Variants in ZNF419 observed in about 807,000 individuals in gnomAD.
ZNF419 encodes zinc finger protein 419A.
Under a neutral mutation model 14.9 loss-of-function variants are expected in ZNF419, and 8 were observed. The ratio of observed to expected loss-of-function variants is 0.54; its 90% CI spans 0.32 to 0.97. ZNF419 has a LOEUF of 0.97. Ranked by LOEUF, ZNF419 falls within the 50% of genes least tolerant of loss-of-function variation. The pLI is 0.04. For missense variants in ZNF419, 595 were observed against 607.2 expected (o/e 0.98, Z 0.21); for synonymous variants, 211 against 205.3 (o/e 1.03, Z -0.24).
At position 57,493,683 on chromosome 19, in the gene ZNF419, T is replaced by C. The variant is rs1325027607; in HGVS notation, c.1126T>C (p.Cys376Arg). The change falls in exon 5 of 5, where the codon TGT (cysteine) becomes CGT (arginine). Residue 376 changes from cysteine to arginine, a missense_variant. Transcript: ENST00000221735. ...TGERPYKCSD[C>R]GKFFTQCSSL... ...AGAAAGGCCTTACAAGTGCAGCGAC[T>C]GTGGGAAATTTTTTACCCAATGCTC... 1.2e-6 allele frequency: 2 copies of C among 1,614,096 alleles called. No homozygotes were observed. The highest frequency in any genetic ancestry group is 3.3e-5 in the Admixed American group (2 of 60,016).
Position 57,496,089 on chromosome 19 carries a change from A to C in ZNF419, c.*1999A>C, listed in dbSNP as rs2089607095. On this transcript the variant is annotated 3_prime_UTR_variant, in exon 5 of 5. Coordinates refer to ENST00000221735, the MANE Select transcript of ZNF419 (RefSeq NM_024691.4). ...TGGAAAATAAATAAATGTTCACAGAATAATGTTGACATATTAGCTTTTTAT... is the reference window on the plus strand; with the variant it reads ...TGGAAAATAAATAAATGTTCACAGACTAATGTTGACATATTAGCTTTTTAT... The C allele has an allele frequency of 6.6e-6, 1 of 152,236 alleles. No homozygotes were observed. The highest frequency in any genetic ancestry group is 2.1e-4 in the South Asian group (1 of 4,834). The allele number at this position is 152,236 out of a possible 1,614,324, so 9.4% of individuals were successfully genotyped here.
intron 4 of ZNF419, 74 bp downstream of exon 4, chr19:57,492,285 T>G: frequency 6.6e-7 from 1 of 1,511,376 alleles, no homozygotes; most frequent in African/African-American, 1.4e-5. Flanking sequence ...GCCCAGATAT[T>G]TTGATACCAA....
chr19:57,495,838 G>A lies in ZNF419; in HGVS notation c.*1748G>A, dbSNP rs1005978368. On this transcript the variant is annotated 3_prime_UTR_variant, in exon 5 of 5. Coordinates refer to ENST00000221735, the MANE Select transcript of ZNF419 (RefSeq NM_024691.4). ...ATATCCAACTTCTGAAATATTTGTA[G>A]GTTTAACTACAAATAAATAATTCAA... is the stretch of plus-strand genomic sequence containing the variant. 6.2e-5 allele frequency: 9 copies of A among 145,926 alleles called. No homozygotes were observed. 9.0% of individuals were successfully genotyped at this position (145,926 alleles called of 1,614,324 possible).
intron 1 of ZNF419, chr19:57,489,136 C>T (rs1268208017): frequency 6.6e-6 from 1 of 152,218 alleles, no homozygotes; most frequent in Non-Finnish European, 1.5e-5. Context: ...ATCAACTGCT[C>T]CAGTAGAAGG....
At position 57,493,896 on chromosome 19, in the gene ZNF419, A is replaced by G. The variant is rs1568573410; in HGVS notation, c.1339A>G (p.Lys447Glu). The G allele has an allele frequency of 6.2e-7, 1 of 1,613,958 alleles. No individual in the cohort carries two copies. The highest frequency in any genetic ancestry group is 1.7e-5 in the Admixed American group (1 of 59,978). The change falls in exon 5 of 5, where the codon AAA becomes GAA. Residue 447 changes from lysine (K) to glutamate (E), a missense_variant. Transcript: ENST00000221735. ...AAGCTCAACCCTCATGCAACATCGA[A>G]AAGTTCACATTGGAGAAAAGCCTTT... ...SQSSTLMQHRKVHIGEKPFKC... is the reference protein window; with the variant it reads ...SQSSTLMQHREVHIGEKPFKC...
intron 1 of ZNF419, 108 bp from the exon 2 acceptor site, chr19:57,490,039 C>T (rs1600132917): frequency 2.9e-6 from 3 of 1,033,602 alleles, no homozygotes; most frequent in Non-Finnish European, 4.4e-6. Context: ...AGAACCAAAG[C>T]CCAGATTGTA....
rs764264238 is a variant in ZNF419, at chr19:57,493,995, G to A, written c.1438G>A (p.Ala480Thr). Residue 480 changes from alanine (A) to threonine (T), a missense_variant, in exon 5 of 5, where the codon GCA becomes ACA. Ala to Thr is a moderately conservative substitution (Grantham distance 58). Transcript: ENST00000221735. ...TAAACATCAGAGGGTTCACACTGGA[G>A]CAAAGCCTTATGAGTGCAGGGAATG... Reference protein sequence around the residue: ...LVKHQRVHTGAKPYECRECGK... With the variant: ...LVKHQRVHTGTKPYECRECGK... 20 of 1,614,106 alleles carry A rather than the reference G, an allele frequency of 1.2e-5. No homozygotes were observed. The Middle Eastern group carries it at 4.9e-4, about 40-fold the overall frequency.
In ZNF419 at chr19:57,494,008, A is replaced by C; in HGVS notation, c.1451A>C (p.Glu484Ala). 4.3e-6 allele frequency: 7 copies of C among 1,613,880 alleles called. No homozygotes were observed. The highest frequency in any genetic ancestry group is 5.9e-6 in the Non-Finnish European group (7 of 1,179,950). The change falls in exon 5 of 5, where the codon GAG becomes GCG. Residue 484 changes from glutamate (E) to alanine (A), a missense_variant. Physicochemically the swap from Glu to Ala is moderately radical, Grantham distance 107. Coordinates refer to ENST00000221735, the MANE Select transcript of ZNF419 (RefSeq NM_024691.4). The stretch of plus-strand genomic sequence containing the variant: ...GTTCACACTGGAGCAAAGCCTTATG[A>C]GTGCAGGGAATGTGGGAAGTTTTTT... Reference protein sequence around the residue: ...QRVHTGAKPYECRECGKFFRH... With the variant: ...QRVHTGAKPYACRECGKFFRH...
chr19:57,493,271 G>A lies in ZNF419; in HGVS notation c.714G>A (p.Lys238=), dbSNP rs1249846924. The A allele has an allele frequency of 1.2e-6, 2 of 1,614,238 alleles. No individual in the cohort carries two copies. The highest frequency in any genetic ancestry group is 1.7e-4 in the Middle Eastern group (1 of 6,060). ...CGTATGAATGCAGTGAATGTGGGAA[G>A]TTATTTAGAGATATGTCCAACCTTT... The part of the protein sequence containing the change: ...KKTYECSECG[K]LFRDMSNLFI... The change falls in exon 5 of 5, where the codon AAG becomes AAA. Residue 238 remains lysine (K), a synonymous_variant. Coordinates refer to ENST00000221735, the MANE Select transcript of ZNF419 (RefSeq NM_024691.4).
chr19:57,487,968 G>T lies in ZNF419; in HGVS notation c.18G>T (p.Leu6=). 3 of 1,613,770 alleles carry T rather than the reference G, an allele frequency of 1.9e-6. No individual in the cohort carries two copies. The highest frequency in any genetic ancestry group is 2.2e-5 in the South Asian group (2 of 91,044). The part of the protein sequence containing the change: MAAAA[L]RDPAQVPVAA... ...AGGCTCCGATGGCGGCGGCCGCCCT[G>T]AGGGACCCCGCTCAGGTGAGCGCCG... is the stretch of plus-strand genomic sequence containing the variant. The change falls in exon 1 of 5, where the codon CTG becomes CTT. Residue 6 remains leucine (L), a synonymous_variant. Coordinates refer to ENST00000221735, the MANE Select transcript of ZNF419 (RefSeq NM_024691.4).
In ZNF419 at chr19:57,494,424, T is replaced by A. The variant is rs1475025470; in HGVS notation, c.*334T>A. ...GGCAATTGAACATCATTCATCTAAA[T>A]ATGCACACTGGAGGCAAGATGAGAA... On this transcript the variant is annotated 3_prime_UTR_variant, in exon 5 of 5. Coordinates refer to ENST00000221735, the MANE Select transcript of ZNF419 (RefSeq NM_024691.4). The A allele has an allele frequency of 7.8e-6, 2 of 255,842 alleles. No individual in the cohort carries two copies. Among genetic ancestry groups the A allele is most frequent in the Non-Finnish European group, 1.4e-5 (2 of 139,350 alleles). 15.8% of individuals were successfully genotyped at this position (255,842 alleles called of 1,614,324 possible).
rs576309102 is a variant in ZNF419, at chr19:57,490,464, C to T, written c.72+279C>T. The stretch of plus-strand genomic sequence containing the variant: ...CTGGCTCCTGGGTTCAAGCAATTCT[C>T]CTGTCTGAGCCTCCCGAGTAGCTGG... On this transcript the variant is annotated intron_variant, in intron 2 of 4. Coordinates refer to ENST00000221735, the MANE Select transcript of ZNF419 (RefSeq NM_024691.4). The T allele has an allele frequency of 2.2e-5, 5 of 230,870 alleles. No individual in the cohort carries two copies. In the East Asian group the frequency reaches 4.9e-4, roughly 23 times the overall value. 14.3% of individuals were successfully genotyped at this position (230,870 alleles called of 1,614,324 possible).
Position 57,490,129 on chromosome 19 carries a change from A to G in ZNF419, c.34-18A>G, listed in dbSNP as rs145074554. ...GGCAACATCACTGTCTGGTTCTCAT[A>G]GTCTTGATTTTCCATAGGTTCCTGT... On this transcript the variant is annotated intron_variant, in intron 1 of 4. Transcript: ENST00000221735. The G allele has an allele frequency of 1.9e-3, 3,071 of 1,612,560 alleles. 44 individuals carry two copies. In the African/African-American group the frequency reaches 0.031, roughly 16 times the overall value.
rs1472893310 is a variant in ZNF419, at chr19:57,493,537, A to G, written c.980A>G (p.Asn327Ser). The G allele has an allele frequency of 1.2e-6, 2 of 1,607,980 alleles. No individual in the cohort carries two copies. Among genetic ancestry groups the G allele is most frequent in the Admixed American group, 1.7e-5 (1 of 59,908 alleles). The change falls in exon 5 of 5, where the codon AAC becomes AGC. Residue 327 changes from asparagine (N) to serine (S), a missense_variant. Physicochemically the swap from Asn to Ser is conservative, Grantham distance 46 (BLOSUM62 1). Coordinates refer to ENST00000221735, the MANE Select transcript of ZNF419 (RefSeq NM_024691.4). Reference protein sequence around the residue: ...CSECGKLFSFNSSLMKHQRIH... With the variant: ...CSECGKLFSFSSSLMKHQRIH... Reference sequence around the variant, plus strand: ...GAATGTGGAAAATTGTTTAGTTTCAACTCCAGCCTCATGAAACATCAGAGA... The same window carrying G: ...GAATGTGGAAAATTGTTTAGTTTCAGCTCCAGCCTCATGAAACATCAGAGA...
chr19:57,492,737 C>G lies in ZNF419; in HGVS notation c.299-119C>G, dbSNP rs367567737. 96 of 1,378,230 alleles carry G rather than the reference C, an allele frequency of 7.0e-5. No homozygotes were observed. The African/African-American group carries it at 1.1e-3, about 16-fold the overall frequency. 85.4% of individuals were successfully genotyped at this position (1,378,230 alleles called of 1,614,324 possible). The stretch of plus-strand genomic sequence containing the variant: ...CCCTTCCCTGCTGAGAGCTAGCCCT[C>G]TTTATTTCTGCTAGCAGCCCCAGGC... On this transcript the variant is annotated intron_variant, in intron 4 of 4. Transcript: ENST00000221735.
chr19:57,492,444 G>A, intron 4 of ZNF419: 2 of 770,956 alleles, frequency 2.6e-6, no homozygotes, highest in Non-Finnish European at 4.7e-6. Context: ...GGCTTTCACT[G>A]AATGTGTGGT....
In ZNF419 at chr19:57,487,851, G is replaced by C. The variant is rs1445690647; in HGVS notation, c.-100G>C. 6 of 1,574,076 alleles carry C rather than the reference G, an allele frequency of 3.8e-6. No homozygotes were observed. In the Admixed American group the frequency reaches 5.1e-5, roughly 13 times the overall value. ...CACGGTGGCGACTCACGCTGTTCTC[G>C]CCGCTCAGAGGCGGGTCTGAGGCTC... On this transcript the variant is annotated 5_prime_UTR_variant, in exon 1 of 5. Coordinates refer to ENST00000221735, the MANE Select transcript of ZNF419 (RefSeq NM_024691.4).
Position 57,493,421 on chromosome 19 carries a change from A to C in ZNF419, c.864A>C (p.Thr288=). The C allele has an allele frequency of 6.2e-7, 1 of 1,612,728 alleles. No individual in the cohort carries two copies. Among genetic ancestry groups the C allele is most frequent in the Non-Finnish European group, 8.5e-7 (1 of 1,179,644 alleles). The change falls in exon 5 of 5, where the codon ACA becomes ACC. Residue 288 remains threonine, a synonymous_variant. Coordinates refer to ENST00000221735, the MANE Select transcript of ZNF419 (RefSeq NM_024691.4). ...QRVHTGEKPF[T]CSECGKAFRH... Reference sequence around the variant, plus strand: ...TTCACACTGGAGAAAAGCCTTTTACATGCAGTGAATGTGGAAAAGCTTTCA... The same window carrying C: ...TTCACACTGGAGAAAAGCCTTTTACCTGCAGTGAATGTGGAAAAGCTTTCA...
At chr19:57,492,746 T>C (rs749330215) in intron 4 of ZNF419, 110 bp from the exon 5 acceptor site, 4 of 1,423,032 alleles carry the variant, frequency 2.8e-6, no homozygotes, top group Admixed American at 3.3e-5. Context: ...TCTTTATTTC[T>C]GCTAGCAGCC....
Sources: gnomAD v4.1 joint callset for allele counts on GRCh38, gnomAD v4.1.1 for gene constraint, MANE v1.5 for transcripts, NCBI Gene and HGNC (gene_info 2026-07-23, HGNC 2026-07-21) for gene names.